STYXL1: variants seen among roughly 807,000 people sequenced by gnomAD.
The protein encoded by STYXL1 is serine/threonine/tyrosine-interacting-like protein 1.
A neutral mutation model predicts 36.4 loss-of-function variants in STYXL1; 32 were observed. That is an observed-to-expected ratio of 0.88 (90% CI 0.66 to 1.18). The LOEUF is 1.18. STYXL1 is among the 50% of genes most tolerant of loss of function. The pLI is 0.00. For synonymous variants in STYXL1, 133 were observed against 144.1 expected (o/e 0.92, Z 0.55); for missense variants, 354 against 394.1 (o/e 0.90, Z 0.86).
rs782414401 is a variant in STYXL1 at position 76,022,006 on chromosome 7, A to C, written c.166-14T>G. The C allele has an allele frequency of 3.7e-5, 58 of 1,584,502 alleles. 1 individual carries two copies. The highest frequency in any genetic ancestry group is 3.6e-4 in the South Asian group (32 of 88,298). ...TTCATTATTTTTCTTAAAAAAAAAA[A>C]CACACACACACAAGAGAGGCCTGTT... On this transcript the variant is annotated splice_polypyrimidine_tract_variant and intron_variant, in intron 3 of 8. Coordinates refer to ENST00000359697, the MANE Select transcript of STYXL1 (RefSeq NM_001317785.2).
chr7:76,011,762 G>A (rs935795517), intron 5 of STYXL1, among the ~76,000 whole-genome samples: 3 of 152,110 alleles, frequency 2.0e-5, no homozygotes, highest in Non-Finnish European at 4.4e-5. Flanking sequence ...TCTCTTCCTC[G>A]AAATCTCCTC....
At chr7:76,035,533 C>T (rs541595849) in intron 1 of STYXL1, among the ~76,000 whole-genome samples, 2 of 149,830 alleles carry the variant, frequency 1.3e-5, no homozygotes, top group East Asian at 3.9e-4. Flanking sequence ...TTCCCAACAC[C>T]GCCATCTGGA....
At chr7:76,030,658 C>A in intron 1 of STYXL1, 131 bp from the exon 2 acceptor site, 1 of 629,918 alleles carries the variant, frequency 1.6e-6, no homozygotes. Context: ...TGTAAATGAT[C>A]AGGAATGCTT....
intron 1 of STYXL1, among the ~76,000 whole-genome samples, chr7:76,035,526 C>G (rs940345395): frequency 1.3e-5 from 2 of 149,712 alleles, no homozygotes; most frequent in African/African-American, 2.4e-5. Context: ...ATGGCCTTTC[C>G]CAACACCGCC....
chr7:76,040,146 G>A (rs1275800486), intron 1 of STYXL1, among the ~76,000 whole-genome samples: 1 of 152,188 alleles, frequency 6.6e-6, no homozygotes, highest in Non-Finnish European at 1.5e-5. Context: ...TAGGCTGTCA[G>A]GAGGCGGTGG....
chr7:76,027,553 G>A (rs1794859657), intron 3 of STYXL1, among the ~76,000 whole-genome samples: 1 of 151,542 alleles, frequency 6.6e-6, no homozygotes, highest in Non-Finnish European at 1.5e-5. Context: ...GAACCCAGGA[G>A]TTCAAGCCAT....
At chr7:76,025,918 C>T (rs782762917) in intron 3 of STYXL1, among the ~76,000 whole-genome samples, 2 of 150,646 alleles carry the variant, frequency 1.3e-5, no homozygotes, top group Admixed American at 1.3e-4. Context: ...AGAGGCCGGG[C>T]GCGGTGGCTC....
chr7:76,019,890 T>G (rs1255159059), intron 4 of STYXL1, among the ~76,000 whole-genome samples: 2 of 141,118 alleles, frequency 1.4e-5, no homozygotes, highest in Non-Finnish European at 3.0e-5. Context: ...AGCCAAGAGT[T>G]CGAGACCAGC....
intron 4 of STYXL1, 30 bp downstream of exon 4, chr7:76,021,818 CTAT>C: frequency 6.5e-7 from 1 of 1,528,348 alleles, no homozygotes; most frequent in Non-Finnish European, 9.1e-7. Context: ...TAGCCGTTAA[CTAT>C]TATTCTTGCT....
intron 1 of STYXL1, among the ~76,000 whole-genome samples, chr7:76,047,401 G>A (rs1797275429): frequency 6.6e-6 from 1 of 152,220 alleles, no homozygotes; most frequent in Non-Finnish European, 1.5e-5. Flanking sequence ...CAGTGGGACC[G>A]TCAGAGCACT....
chr7:76,041,412 CT>C (rs1234973053), intron 1 of STYXL1, among the ~76,000 whole-genome samples: 2 of 152,122 alleles, frequency 1.3e-5, no homozygotes, highest in African/African-American at 4.8e-5. Flanking sequence ...CCCAGCAAAA[CT>C]CATGCTAAGG....
chr7:76,047,312 T>C (rs1797257619), intron 1 of STYXL1, among the ~76,000 whole-genome samples: 1 of 152,164 alleles, frequency 6.6e-6, no homozygotes, highest in Non-Finnish European at 1.5e-5. Flanking sequence ...AGCAAGGAAT[T>C]CTACTCGACT....
intron 4 of STYXL1, among the ~76,000 whole-genome samples, chr7:76,017,866 C>CAAAAAAAAAAAAAAAAAAAAAAA (rs71082374): frequency 0.01 from 106 of 10,334 alleles, 34 homozygotes; most frequent in Admixed American, 0.019. Context: ...AACTCCATCT[C>CAAAAAAAAAAAAAAAAAAAAAAA]AAAAAAAAAA....
At chr7:76,029,702 G>T (rs34052883) in intron 2 of STYXL1, among the ~76,000 whole-genome samples, 17,857 of 152,108 alleles carry the variant, frequency 0.12, 2,069 homozygotes, top group African/African-American at 0.3. Context: ...CCCTTCTGGG[G>T]GTGACAGGAG....
intron 8 of STYXL1, among the ~76,000 whole-genome samples, chr7:75,999,511 A>ATATGTGTGTGTGTATGTG (rs1554565620): frequency 1.0e-5 from 1 of 95,906 alleles, no homozygotes; most frequent in Non-Finnish European, 2.0e-5. Context: ...GTGTGTGTGT[A>ATATGTGTGTGTGTATGTG]TGTGTGTGTG....
chr7:76,004,218 C>T (rs1554569353), intron 6 of STYXL1, among the ~76,000 whole-genome samples: 2 of 152,110 alleles, frequency 1.3e-5, no homozygotes, highest in Non-Finnish European at 1.5e-5. Flanking sequence ...TTCAGCCTCC[C>T]AAGTAGCTGG....
At chr7:76,019,968 A>G in intron 4 of STYXL1, among the ~76,000 whole-genome samples, 1 of 151,642 alleles carries the variant, frequency 6.6e-6, no homozygotes, top group Admixed American at 6.6e-5. Context: ...GTGTTGAGAG[A>G]AGCCTTGAGA....
At chr7:76,037,106 G>A (rs1477939192) in intron 1 of STYXL1, among the ~76,000 whole-genome samples, 1 of 149,886 alleles carries the variant, frequency 6.7e-6, no homozygotes, top group African/African-American at 2.4e-5. Flanking sequence ...GAGACCCTTG[G>A]TGGGGTGTGG....
At chr7:76,007,896 C>CAAAAAAA (rs34975812) in intron 5 of STYXL1, among the ~76,000 whole-genome samples, 1 of 107,092 alleles carries the variant, frequency 9.3e-6, no homozygotes, top group African/African-American at 3.3e-5. Context: ...GCCTGTCTCT[C>CAAAAAAA]AAAAAAAAAA....
Sources: allele counts gnomAD v4.1 joint callset (sites outside exome capture counted in the v4.1 genomes callset), GRCh38; gene constraint gnomAD v4.1.1; transcripts MANE v1.5; gene names NCBI Gene and HGNC (gene_info 2026-07-23, HGNC 2026-07-21).